CNTN5: variants seen among roughly 807,000 people sequenced by gnomAD.
CNTN5 encodes contactin-5.
A neutral mutation model predicts 129.1 loss-of-function variants in CNTN5; 77 were observed. The ratio of observed to expected loss-of-function variants is 0.60; its 90% CI spans 0.50 to 0.72. The LOEUF is 0.72. Among genes scored for constraint, CNTN5 ranks in the 30% least tolerant of loss-of-function variants. The pLI is 0.00. For synonymous variants in CNTN5, 509 were observed against 465.6 expected, an observed-to-expected ratio of 1.09 and a Z score of -1.20; for missense variants, 1,478 against 1,328.8, an observed-to-expected ratio of 1.11 and a Z score of -1.75.
chr11:99,509,242 A>T (rs1295319620), intron 2 of CNTN5, among the ~76,000 whole-genome samples: 1 of 152,180 alleles, frequency 6.6e-6, no homozygotes, highest in African/African-American at 2.4e-5. Flanking sequence ...TAGGATCTTC[A>T]TTTAAAAAGC....
intron 1 of CNTN5, among the ~76,000 whole-genome samples, chr11:99,308,847 G>C (rs80327872): frequency 0.091 from 13,831 of 151,858 alleles, 649 homozygotes; most frequent in South Asian, 0.13. Flanking sequence ...TTTCCTCCCA[G>C]CTTCAGTTTG....
chr11:99,821,964 TTTCTC>T lies in CNTN5; in HGVS notation c.277+2204_277+2208del, dbSNP rs1946815560. The stretch of plus-strand genomic sequence containing the variant: ...CCAAGTAATCTTCCATAACTACTGT[TTTCTC>T]TTCTGAGCATTTTATAAATCTTAGC... On this transcript the variant is annotated intron_variant, in intron 4 of 24. Transcript: ENST00000524871. Among the ~76,000 whole-genome samples, 4 of 152,230 alleles carry T rather than the reference TTTCTC, an allele frequency of 2.6e-5. No homozygotes were observed. The South Asian group carries it at 8.3e-4, about 31-fold the overall frequency.
chr11:99,443,659 T>G (rs2726403), intron 2 of CNTN5, among the ~76,000 whole-genome samples: 77,245 of 152,034 alleles, frequency 0.51, 20,220 homozygotes, highest in East Asian at 0.65. Flanking sequence ...CATATAGAGC[T>G]ATGCTTTCCT....
intron 1 of CNTN5, among the ~76,000 whole-genome samples, chr11:99,307,108 T>C (rs1261883624): frequency 6.6e-6 from 1 of 152,196 alleles, no homozygotes; most frequent in Non-Finnish European, 1.5e-5. Flanking sequence ...AATTGTTGTA[T>C]GGTCTTTCCC....
At position 100,286,718 on chromosome 11, in the gene CNTN5, C is replaced by T. The variant is rs1203585182; in HGVS notation, c.2315-10907C>T. On this transcript the variant is annotated intron_variant, in intron 18 of 24. Coordinates refer to ENST00000524871, the MANE Select transcript of CNTN5 (RefSeq NM_014361.4). ...GAGTGCCTCTCCTCCTCCAAAGGAA[C>T]GCAGTTCCTCACCAGCAACGGAACA... 5.0e-4 allele frequency among the ~76,000 whole-genome samples: 75 copies of T among 149,834 alleles called. 1 individual carries two copies. Among genetic ancestry groups the T allele is most frequent in the East Asian group, 2.3e-3 (12 of 5,140 alleles).
In CNTN5 at chr11:100,271,128, T is replaced by C. The variant is rs200573485; in HGVS notation, c.2201T>C (p.Met734Thr). Reference sequence around the variant, plus strand: ...ATAACAGGGGACATGGAGTCAGCCATGGCTGTGGACCTAAATCCCTGGGTG... The same window carrying C: ...ATAACAGGGGACATGGAGTCAGCCACGGCTGTGGACCTAAATCCCTGGGTG... ...EIITGDMESA[M>T]AVDLNPWVEY... Residue 734 changes from methionine (M) to threonine (T), a missense_variant, in exon 18 of 25, where the codon ATG (methionine) becomes ACG (threonine). Transcript: ENST00000524871. The C allele has an allele frequency of 6.8e-6, 11 of 1,612,696 alleles. No homozygotes were observed. The highest frequency in any genetic ancestry group is 9.3e-6 in the Non-Finnish European group (11 of 1,179,418).
chr11:99,384,476 C>G (rs897540695), intron 2 of CNTN5, among the ~76,000 whole-genome samples: 1 of 152,086 alleles, frequency 6.6e-6, no homozygotes, highest in African/African-American at 2.4e-5. Flanking sequence ...AATTTCACCC[C>G]CAACCGAGGG....
At chr11:99,171,779 TTC>T (rs1250005966) in intron 1 of CNTN5, among the ~76,000 whole-genome samples, 1 of 152,188 alleles carries the variant, frequency 6.6e-6, no homozygotes, top group Non-Finnish European at 1.5e-5. Context: ...TTATTACTCT[TTC>T]TGTTATTATC....
chr11:99,086,651 A>G (rs1350262620), intron 1 of CNTN5, among the ~76,000 whole-genome samples: 1 of 152,228 alleles, frequency 6.6e-6, no homozygotes, highest in Non-Finnish European at 1.5e-5. Flanking sequence ...ATGTAACTCC[A>G]GGACCTGCTG....
chr11:99,475,586 A>C (rs1945339654), intron 2 of CNTN5, among the ~76,000 whole-genome samples: 1 of 152,048 alleles, frequency 6.6e-6, no homozygotes, highest in South Asian at 2.1e-4. Context: ...TTATTCTCTG[A>C]TTTAAACTTC....
At chr11:100,158,802 C>T (rs978850420) in intron 13 of CNTN5, among the ~76,000 whole-genome samples, 5 of 151,724 alleles carry the variant, frequency 3.3e-5, no homozygotes, top group African/African-American at 9.7e-5. Flanking sequence ...ATATGAATAC[C>T]CAAGAATTTA....
chr11:100,042,254 TA>T (rs1172479828), intron 9 of CNTN5, among the ~76,000 whole-genome samples: 2 of 150,718 alleles, frequency 1.3e-5, no homozygotes, highest in Non-Finnish European at 3.0e-5. Context: ...TACAGAATCA[TA>T]AAAGGAAAAA....
intron 2 of CNTN5, among the ~76,000 whole-genome samples, chr11:99,555,334 T>G (rs956727950): frequency 6.6e-6 from 1 of 152,034 alleles, no homozygotes; most frequent in Non-Finnish European, 1.5e-5. Flanking sequence ...AGCTGACACG[T>G]GAAAATTCTG....
chr11:99,732,667 A>C (rs1017576513), intron 3 of CNTN5, among the ~76,000 whole-genome samples: 1 of 152,190 alleles, frequency 6.6e-6, no homozygotes, highest in Non-Finnish European at 1.5e-5. Context: ...TTAGCGCTTA[A>C]GCCCATGTTG....
intron 1 of CNTN5, among the ~76,000 whole-genome samples, chr11:99,048,205 A>G (rs1310168142): frequency 2.6e-5 from 4 of 152,106 alleles, no homozygotes; most frequent in African/African-American, 7.2e-5. Context: ...ACATCAGCTT[A>G]TAGGTAAAGT....
chr11:99,883,135 G>A (rs183680402), intron 6 of CNTN5, among the ~76,000 whole-genome samples: 125 of 152,252 alleles, frequency 8.2e-4, no homozygotes, highest in Admixed American at 2.0e-3. Flanking sequence ...GGACACTTAG[G>A]TTGCTTTCAA....
At chr11:100,005,197 C>G (rs1940117668) in intron 9 of CNTN5, among the ~76,000 whole-genome samples, 1 of 152,136 alleles carries the variant, frequency 6.6e-6, no homozygotes, top group Non-Finnish European at 1.5e-5. Flanking sequence ...ATTCCATCTA[C>G]TTAATCCAAT....
chr11:99,483,649 G>T (rs982029911), intron 2 of CNTN5, among the ~76,000 whole-genome samples: 1 of 152,058 alleles, frequency 6.6e-6, no homozygotes, highest in Non-Finnish European at 1.5e-5. Flanking sequence ...ATCACCTGAT[G>T]GTCTCCTGAC....
At chr11:99,472,564 G>A (rs1265109266) in intron 2 of CNTN5, among the ~76,000 whole-genome samples, 2 of 152,142 alleles carry the variant, frequency 1.3e-5, no homozygotes, top group East Asian at 3.9e-4. Flanking sequence ...TTCCTGTGAA[G>A]TTTTCTTTGT....
Sources: allele counts gnomAD v4.1 joint callset (sites outside exome capture counted in the v4.1 genomes callset), GRCh38; gene constraint gnomAD v4.1.1; transcripts MANE v1.5; gene names NCBI Gene and HGNC (gene_info 2026-07-23, HGNC 2026-07-21).